Variants in DGKB observed in about 807,000 individuals in gnomAD.
DGKB encodes the protein 90 kDa diacylglycerol kinase.
Under a neutral mutation model 114.3 loss-of-function variants are expected in DGKB, and 67 were observed. That is an observed-to-expected ratio of 0.59 (90% confidence interval 0.48 to 0.72). The LOEUF is 0.72. Among genes scored for constraint, DGKB ranks in the 30% least tolerant of loss-of-function variants. The pLI is 0.00. For synonymous variants in DGKB, 398 were observed against 323.1 expected, an observed-to-expected ratio of 1.23 and a Z score of -2.49; for missense variants, 907 against 975.2, an observed-to-expected ratio of 0.93 and a Z score of 0.93.
chr7:14,813,456 G>A (rs1270879842), intron 2 of DGKB, among the ~76,000 whole-genome samples: 3 of 152,138 alleles, frequency 2.0e-5, no homozygotes, highest in African/African-American at 4.8e-5. Flanking sequence ...GTGCCTGAGA[G>A]CCACCAGAAT....
intron 2 of DGKB, among the ~76,000 whole-genome samples, chr7:14,828,009 G>T (rs1439078449): frequency 6.6e-6 from 1 of 152,090 alleles, no homozygotes; most frequent in Non-Finnish European, 1.5e-5. Flanking sequence ...GAAGGTGGCA[G>T]CACCAATGTT....
chr7:14,669,003 A>C (rs1484677577), intron 13 of DGKB, among the ~76,000 whole-genome samples: 2 of 151,968 alleles, frequency 1.3e-5, no homozygotes, highest in South Asian at 4.1e-4. Context: ...ATGATTATTA[A>C]CTAGAGGTAG....
intron 9 of DGKB, among the ~76,000 whole-genome samples, chr7:14,687,454 T>A (rs7791900): frequency 2.0e-5 from 3 of 151,844 alleles, no homozygotes; most frequent in African/African-American, 7.3e-5. Context: ...AATTTCTGAA[T>A]TTCCTATTTT....
At chr7:14,584,005 G>A (rs564533843) in intron 17 of DGKB, among the ~76,000 whole-genome samples, 2 of 152,054 alleles carry the variant, frequency 1.3e-5, no homozygotes, top group Non-Finnish European at 1.5e-5. Context: ...ACGTACTTAC[G>A]TATACAAATT....
At chr7:14,378,499 T>C (rs1462297659) in intron 21 of DGKB, among the ~76,000 whole-genome samples, 1 of 152,120 alleles carries the variant, frequency 6.6e-6, no homozygotes, top group Non-Finnish European at 1.5e-5. Context: ...TATTCCAAAA[T>C]AAAAAATTTA....
chr7:14,857,672 C>A (rs1291550191), intron 1 of DGKB, among the ~76,000 whole-genome samples: 2 of 151,882 alleles, frequency 1.3e-5, no homozygotes, highest in Non-Finnish European at 2.9e-5. Context: ...CAATAAACTG[C>A]CTATTTATAT....
At chr7:14,871,457 T>C (rs1260844868) in intron 1 of DGKB, among the ~76,000 whole-genome samples, 1 of 152,124 alleles carries the variant, frequency 6.6e-6, no homozygotes, top group African/African-American at 2.4e-5. Context: ...AGATTGTCTT[T>C]AGTTACCATG....
intron 21 of DGKB, among the ~76,000 whole-genome samples, chr7:14,454,586 T>C (rs965724151): frequency 6.6e-6 from 1 of 152,086 alleles, no homozygotes; most frequent in Non-Finnish European, 1.5e-5. Flanking sequence ...TTGCATTATA[T>C]AGAAATCATA....
At position 14,845,619 on chromosome 7, in the gene DGKB, T is replaced by C. The variant is rs543493010; in HGVS notation, c.-187-4169A>G. 1.7e-4 allele frequency among the ~76,000 whole-genome samples: 26 copies of C among 152,022 alleles called. No homozygotes were observed. In the South Asian group the frequency reaches 5.0e-3, roughly 29 times the overall value. ...TCCCAGTGCTTAGAAGAGTGCTTGG[T>C]ATATAGTCTCAGGTCAATGAATATT... On this transcript the variant is annotated intron_variant, in intron 1 of 25. Coordinates refer to ENST00000402815, the MANE Select transcript of DGKB (RefSeq NM_001350709.2).
At chr7:14,628,325 G>GTGTGTGTGTGTGTGTGTGTGT (rs111355946) in intron 14 of DGKB, among the ~76,000 whole-genome samples, 1 of 144,824 alleles carries the variant, frequency 6.9e-6, no homozygotes, top group Non-Finnish European at 1.5e-5. Flanking sequence ...GTGTGTGTGT[G>GTGTGTGTGTGTGTGTGTGTGT]GTGTGTATGA....
At position 14,331,389 on chromosome 7, in the gene DGKB, G is replaced by C. The variant is rs552045100; in HGVS notation, c.2122+7126C>G. On this transcript the variant is annotated intron_variant, in intron 23 of 25. Transcript: ENST00000402815. ...AAATTAAATGCTTGGAAATTCTTCTGCTTGCCGGTGTTTGAACGCCAAATA... is the reference window on the plus strand; with the variant it reads ...AAATTAAATGCTTGGAAATTCTTCTCCTTGCCGGTGTTTGAACGCCAAATA... Among the ~76,000 whole-genome samples the C allele has an allele frequency of 2.0e-5, 3 of 151,872 alleles. No individual in the cohort carries two copies. In the South Asian group the frequency reaches 6.2e-4, roughly 32 times the overall value.
At chr7:14,215,045 G>A (rs375250702) in intron 23 of DGKB, among the ~76,000 whole-genome samples, 1 of 152,158 alleles carries the variant, frequency 6.6e-6, no homozygotes. Flanking sequence ...GAGCTGATCT[G>A]TAAGTACCTA....
chr7:14,349,793 A>T (rs528963283), intron 21 of DGKB, among the ~76,000 whole-genome samples: 1 of 152,288 alleles, frequency 6.6e-6, no homozygotes, highest in South Asian at 2.1e-4. Context: ...TATGCTATCT[A>T]CTTTTATGAT....
intron 20 of DGKB, among the ~76,000 whole-genome samples, chr7:14,511,057 G>C (rs1212400265): frequency 6.6e-6 from 1 of 152,082 alleles, no homozygotes; most frequent in Admixed American, 6.6e-5. Flanking sequence ...GATTATTAAG[G>C]GTCCTAGGAT....
At chr7:14,897,463 A>G (rs1782285017) in intron 1 of DGKB, among the ~76,000 whole-genome samples, 1 of 151,856 alleles carries the variant, frequency 6.6e-6, no homozygotes, top group East Asian at 1.9e-4. Flanking sequence ...AAGGGAAATA[A>G]GAGTTTAAGA....
intron 4 of DGKB, among the ~76,000 whole-genome samples, chr7:14,750,714 C>G (rs1051368027): frequency 6.6e-6 from 1 of 151,668 alleles, no homozygotes; most frequent in South Asian, 2.1e-4. Context: ...ACATTCTAAG[C>G]CTTTTTACCA....
intron 2 of DGKB, among the ~76,000 whole-genome samples, chr7:14,835,884 C>G (rs1217050324): frequency 6.6e-6 from 1 of 152,106 alleles, no homozygotes; most frequent in South Asian, 2.1e-4. Flanking sequence ...GCTACTCTGC[C>G]ATAAACAGCA....
chr7:14,459,733 G>A (rs1225886434), intron 21 of DGKB, among the ~76,000 whole-genome samples: 1 of 152,074 alleles, frequency 6.6e-6, no homozygotes, highest in African/African-American at 2.4e-5. Context: ...TTCAAATTCA[G>A]GAAATACGGA....
chr7:14,327,298 G>C (rs1158149833), intron 23 of DGKB, among the ~76,000 whole-genome samples: 1 of 151,466 alleles, frequency 6.6e-6, no homozygotes, highest in African/African-American at 2.4e-5. Flanking sequence ...ACAAACAGCA[G>C]AAATGAGAAA....
Sources: allele counts gnomAD v4.1 joint callset (sites outside exome capture counted in the v4.1 genomes callset), GRCh38; gene constraint gnomAD v4.1.1; transcripts MANE v1.5; gene names NCBI Gene and HGNC (gene_info 2026-07-23, HGNC 2026-07-21).